ADAMTS20: variants seen among roughly 807,000 people sequenced by gnomAD.
ADAMTS20 encodes ADAM metallopeptidase with thrombospondin type 1 motif 20, also known as A disintegrin and metalloproteinase with thrombospondin motifs 20.
In ADAMTS20, 225 loss-of-function variants were observed where a neutral mutation model predicts 260.1. The observed-to-expected ratio is 0.87, with a 90% CI of 0.78 to 0.97. The LOEUF is 0.97. Ranked by LOEUF, ADAMTS20 falls within the 50% of genes least tolerant of loss-of-function variation. The probability of loss-of-function intolerance (pLI) is 0.00; values close to 1 mark genes in which losing one functional copy is unlikely to be tolerated. For synonymous variants in ADAMTS20, 802 were observed against 769.5 expected (o/e 1.04, Z -0.70); for missense variants, 2,400 against 2,337.7 (o/e 1.03, Z -0.55).
intron 3 of ADAMTS20, among the ~76,000 whole-genome samples, chr12:43,512,453 T>A (rs1346729223): frequency 1.3e-5 from 2 of 151,850 alleles, no homozygotes; most frequent in African/African-American, 2.4e-5. Context: ...ATATTTATTT[T>A]AAAAATTAGT....
At chr12:43,424,846 T>C (rs753621880) in intron 28 of ADAMTS20, among the ~76,000 whole-genome samples, 72 of 152,022 alleles carry the variant, frequency 4.7e-4, no homozygotes, top group Non-Finnish European at 9.1e-4. Context: ...AAAACTATTA[T>C]ATATGTTACA....
intron 15 of ADAMTS20, among the ~76,000 whole-genome samples, chr12:43,444,662 G>A (rs190774792): frequency 5.3e-5 from 8 of 152,104 alleles, no homozygotes; most frequent in East Asian, 1.9e-4. Flanking sequence ...GTCCAAATAC[G>A]CAGGTTTTTA....
intron 29 of ADAMTS20, among the ~76,000 whole-genome samples, chr12:43,387,969 ATGGG>A (rs1940517284): frequency 6.6e-6 from 1 of 152,080 alleles, no homozygotes; most frequent in Non-Finnish European, 1.5e-5. Context: ...GCCGGACTCC[ATGGG>A]GTGGGATCTG....
At chr12:43,411,580 C>G (rs1941032869) in intron 28 of ADAMTS20, among the ~76,000 whole-genome samples, 1 of 151,992 alleles carries the variant, frequency 6.6e-6, no homozygotes, top group Non-Finnish European at 1.5e-5. Context: ...GTTGACCAGG[C>G]TGGTCTTGAA....
intron 38 of ADAMTS20, among the ~76,000 whole-genome samples, chr12:43,355,883 C>CTA (rs972366460): frequency 5.3e-5 from 8 of 151,722 alleles, no homozygotes; most frequent in African/African-American, 1.7e-4. Flanking sequence ...ATAGTTATAA[C>CTA]TATATATATA....
At chr12:43,434,007 T>A (rs1276730892) in intron 19 of ADAMTS20, among the ~76,000 whole-genome samples, 1 of 152,212 alleles carries the variant, frequency 6.6e-6, no homozygotes, top group Admixed American at 6.5e-5. Context: ...AAAATTACAA[T>A]CTTTTTCTAC....
At position 43,431,512 on chromosome 12, in the gene ADAMTS20, T is replaced by C; in HGVS notation, c.3097-16A>G. On this transcript the variant is annotated splice_polypyrimidine_tract_variant and intron_variant, in intron 21 of 38. Transcript: ENST00000389420. ...TAACAAGGCACTGTAAGAATAAAAC[T>C]GATCATTATTTATTTGCAGCATTAG... 6.2e-7 allele frequency: 1 copy of C among 1,613,482 alleles called. No homozygotes were observed.
chr12:43,532,001 T>C (rs1347739504), intron 3 of ADAMTS20, 35 bp downstream of exon 3: 1 of 1,384,748 alleles, frequency 7.2e-7, no homozygotes, highest in Non-Finnish European at 9.5e-7. Context: ...ATAGTATCAC[T>C]ATTTAGCTGA....
At chr12:43,530,428 A>G (rs1943204278) in intron 3 of ADAMTS20, among the ~76,000 whole-genome samples, 1 of 152,190 alleles carries the variant, frequency 6.6e-6, no homozygotes, top group African/African-American at 2.4e-5. Context: ...CCTTATGCTC[A>G]TATTAAAAGC....
chr12:43,416,094 T>A (rs1592057379), intron 28 of ADAMTS20, among the ~76,000 whole-genome samples: 1 of 152,134 alleles, frequency 6.6e-6, no homozygotes, highest in East Asian at 1.9e-4. Context: ...CACCCCACCC[T>A]TGGGTCAAAA....
At position 43,551,635 on chromosome 12, in the gene ADAMTS20, T is replaced by C. The variant is rs889021149; in HGVS notation, c.91+196A>G. Among the ~76,000 whole-genome samples, 4 of 152,196 alleles carry C rather than the reference T, an allele frequency of 2.6e-5. No individual in the cohort carries two copies. Among genetic ancestry groups the C allele is most frequent in the African/African-American group, 9.6e-5 (4 of 41,468 alleles). ...CCGCCGTGTGGTCCTGGGAGTGCGA[T>C]GCGTCTTAGGCGCGCGCGATTCCTC... On this transcript the variant is annotated intron_variant, in intron 1 of 38. Coordinates refer to ENST00000389420, the MANE Select transcript of ADAMTS20 (RefSeq NM_025003.5). The surrounding 1 kb of genome is among the most constrained non-coding windows in gnomAD (Gnocchi z 4.6).
intron 2 of ADAMTS20, among the ~76,000 whole-genome samples, chr12:43,540,308 G>A (rs61925183): frequency 6.0e-4 from 92 of 152,094 alleles, no homozygotes; most frequent in African/African-American, 2.1e-3. Flanking sequence ...AGAAACCATC[G>A]GTACCTCCTT....
intron 36 of ADAMTS20, among the ~76,000 whole-genome samples, chr12:43,374,702 C>T (rs1450915363): frequency 6.6e-6 from 1 of 151,956 alleles, no homozygotes; most frequent in South Asian, 2.1e-4. Context: ...GGGAAAATAC[C>T]TGATAAATTA....
intron 29 of ADAMTS20, among the ~76,000 whole-genome samples, chr12:43,391,683 G>GA (rs1940600114): frequency 6.6e-6 from 1 of 151,936 alleles, no homozygotes; most frequent in African/African-American, 2.4e-5. Flanking sequence ...TTATAAGGGG[G>GA]AAAAATCAGG....
chr12:43,413,867 T>G (rs186500375), intron 28 of ADAMTS20, among the ~76,000 whole-genome samples: 1 of 152,104 alleles, frequency 6.6e-6, no homozygotes, highest in African/African-American at 2.4e-5. Context: ...TCCCATCCCA[T>G]ATCCCACCAC....
chr12:43,496,625 T>C (rs1942681194), intron 4 of ADAMTS20, among the ~76,000 whole-genome samples: 1 of 152,118 alleles, frequency 6.6e-6, no homozygotes, highest in Admixed American at 6.6e-5. Flanking sequence ...GGAAAATGAG[T>C]TGATTTTTTT....
intron 37 of ADAMTS20, among the ~76,000 whole-genome samples, chr12:43,359,180 A>C (rs1423787145): frequency 3.3e-5 from 5 of 152,194 alleles, no homozygotes; most frequent in Non-Finnish European, 2.9e-5. Flanking sequence ...GTAAAATTCC[A>C]GTAGCCAAAT....
At chr12:43,471,243 G>T (rs1401525459) in intron 7 of ADAMTS20, among the ~76,000 whole-genome samples, 1 of 152,120 alleles carries the variant, frequency 6.6e-6, no homozygotes, top group Non-Finnish European at 1.5e-5. Context: ...CTGGAAAATC[G>T]GGTCGCTCCC....
In ADAMTS20 at chr12:43,452,252, T is replaced by C. The variant is rs775919136; in HGVS notation, c.2079+22A>G. 4.4e-6 allele frequency: 7 copies of C among 1,573,432 alleles called. 1 individual carries two copies. The highest frequency in any genetic ancestry group is 2.4e-5 in the South Asian group (2 of 83,924). ...ATTCTTAAAGTCACTTTAAATCTAA[T>C]AGAAACTTATAGTTTACTTACCATA... On this transcript the variant is annotated intron_variant, in intron 14 of 38. Coordinates refer to ENST00000389420, the MANE Select transcript of ADAMTS20 (RefSeq NM_025003.5).
Sources: allele counts gnomAD v4.1 joint callset (sites outside exome capture counted in the v4.1 genomes callset), GRCh38; gene constraint gnomAD v4.1.1; non-coding constraint Gnocchi (gnomAD v3.1); transcripts MANE v1.5; gene names NCBI Gene and HGNC (gene_info 2026-07-23, HGNC 2026-07-21).